SLC24A2: variants seen among roughly 807,000 people sequenced by gnomAD.
The protein encoded by SLC24A2 is sodium/potassium/calcium exchanger 2.
A neutral mutation model predicts 62.0 loss-of-function variants in SLC24A2; 36 were observed. The ratio of observed to expected loss-of-function variants is 0.58; its 90% confidence interval spans 0.44 to 0.77. The LOEUF (loss-of-function observed/expected upper bound fraction) is 0.77, where lower values mean the gene tolerates loss of function less well. Among genes scored for constraint, SLC24A2 ranks in the 30% least tolerant of loss-of-function variants. SLC24A2 has a pLI of 0.00. For synonymous variants in SLC24A2, 358 were observed against 294.0 expected (o/e 1.22, Z -2.23); for missense variants, 846 against 817.9 (o/e 1.03, Z -0.42).
chr9:19,678,047 G>A (rs1333107201), intron 2 of SLC24A2, among the ~76,000 whole-genome samples: 2 of 152,172 alleles, frequency 1.3e-5, no homozygotes, highest in South Asian at 2.1e-4. Context: ...CAGTAGCTTC[G>A]CAGATCTAGC....
At chr9:19,950,190 T>G in the SLC24A2 span, among the ~76,000 whole-genome samples, 1 of 152,224 alleles carries the variant, frequency 6.6e-6, no homozygotes, top group African/African-American at 2.4e-5. Context: ...TATCTGTAAA[T>G]TAAGGATATT....
chr9:20,260,159 G>A, the SLC24A2 span, among the ~76,000 whole-genome samples: 2 of 152,206 alleles, frequency 1.3e-5, no homozygotes, highest in Non-Finnish European at 2.9e-5. Context: ...AACTTCATTA[G>A]TGAGCTTAGT....
At chr9:19,824,736 C>A in the SLC24A2 span, among the ~76,000 whole-genome samples, 1 of 152,116 alleles carries the variant, frequency 6.6e-6, no homozygotes, top group Non-Finnish European at 1.5e-5. Context: ...TTTATTGTGG[C>A]ACTGTTCACA....
At chr9:20,119,958 A>C in the SLC24A2 span, among the ~76,000 whole-genome samples, 1 of 152,156 alleles carries the variant, frequency 6.6e-6, no homozygotes, top group Non-Finnish European at 1.5e-5. Flanking sequence ...GTAGGTTAGA[A>C]GTGTGACACA....
intron 2 of SLC24A2, among the ~76,000 whole-genome samples, chr9:19,752,595 T>C (rs1822018603): frequency 6.6e-6 from 1 of 152,122 alleles, no homozygotes; most frequent in Admixed American, 6.5e-5. Context: ...TCACCGAGCC[T>C]CAGTTTCCTC....
intron 8 of SLC24A2, among the ~76,000 whole-genome samples, chr9:19,531,670 C>A (rs1343029270): frequency 6.6e-6 from 1 of 151,820 alleles, no homozygotes; most frequent in Non-Finnish European, 1.5e-5. Context: ...GTGTAAGGTT[C>A]TGGGACATAT....
chr9:20,068,794 A>G, the SLC24A2 span, among the ~76,000 whole-genome samples: 1 of 152,102 alleles, frequency 6.6e-6, no homozygotes, highest in Non-Finnish European at 1.5e-5. Context: ...TCATACTAAT[A>G]TGGACAAGTT....
chr9:20,070,187 A>T, the SLC24A2 span, among the ~76,000 whole-genome samples: 1 of 152,144 alleles, frequency 6.6e-6, no homozygotes, highest in Admixed American at 6.5e-5. Flanking sequence ...CTTGGCTCTA[A>T]ATCTGCCTTG....
At chr9:20,209,081 T>A in the SLC24A2 span, among the ~76,000 whole-genome samples, 1 of 152,340 alleles carries the variant, frequency 6.6e-6, no homozygotes, top group Admixed American at 6.5e-5. Context: ...CATAGACTGC[T>A]GTGAGCATTA....
chr9:19,959,444 G>A, the SLC24A2 span, among the ~76,000 whole-genome samples: 1 of 152,136 alleles, frequency 6.6e-6, no homozygotes, highest in Non-Finnish European at 1.5e-5. Flanking sequence ...AAAATAAGGT[G>A]CCACGGTGAT....
the SLC24A2 span, among the ~76,000 whole-genome samples, chr9:20,013,961 C>A: frequency 5.9e-5 from 9 of 152,162 alleles, no homozygotes; most frequent in Non-Finnish European, 1.2e-4. Flanking sequence ...GTTATCCTAG[C>A]ACTTTGGGAG....
chr9:19,607,108 C>T (rs1046643742), intron 4 of SLC24A2, among the ~76,000 whole-genome samples: 6 of 152,194 alleles, frequency 3.9e-5, no homozygotes, highest in African/African-American at 1.4e-4. Flanking sequence ...AAATGCCTTT[C>T]ATTTGGGAGA....
At chr9:20,144,955 A>G in the SLC24A2 span, among the ~76,000 whole-genome samples, 29 of 152,166 alleles carry the variant, frequency 1.9e-4, no homozygotes, top group Admixed American at 1.2e-3. Context: ...CCAAAGAAGG[A>G]TAATAGACTT....
chr9:19,917,630 G>A, the SLC24A2 span, among the ~76,000 whole-genome samples: 2 of 151,768 alleles, frequency 1.3e-5, no homozygotes, highest in East Asian at 1.9e-4. Context: ...TTAAAATCAT[G>A]AATAGAAACC....
chr9:19,622,110 C>T (rs1024833570), intron 3 of SLC24A2, 151 bp downstream of exon 3: 26 of 656,624 alleles, frequency 4.0e-5, no homozygotes, highest in Admixed American at 2.3e-4. Flanking sequence ...AATTGTAGCA[C>T]GGAGTAGAAG....
intron 2 of SLC24A2, among the ~76,000 whole-genome samples, chr9:19,732,907 T>C (rs1253301623): frequency 6.6e-6 from 1 of 152,230 alleles, no homozygotes; most frequent in Non-Finnish European, 1.5e-5. Context: ...ATTGCCATTC[T>C]GCGAGTAAAA....
intron 5 of SLC24A2, among the ~76,000 whole-genome samples, chr9:19,583,711 TAGG>T (rs1836277176): frequency 6.6e-6 from 1 of 152,052 alleles, no homozygotes; most frequent in African/African-American, 2.4e-5. Flanking sequence ...TAGAGGTAAG[TAGG>T]AGAAAAATGG....
At chr9:19,944,624 C>A in the SLC24A2 span, among the ~76,000 whole-genome samples, 1 of 152,272 alleles carries the variant, frequency 6.6e-6, no homozygotes, top group African/African-American at 2.4e-5. Flanking sequence ...TTCCACCAGT[C>A]TTACCCCTTT....
chr9:20,195,065 T>C, the SLC24A2 span, among the ~76,000 whole-genome samples: 1 of 152,200 alleles, frequency 6.6e-6, no homozygotes, highest in East Asian at 1.9e-4. Flanking sequence ...GTCTCAGTTT[T>C]CTTCCCCAGC....
Sources: gnomAD v4.1 joint callset for allele counts (sites outside exome capture counted in the v4.1 genomes callset) on GRCh38, gnomAD v4.1.1 for gene constraint, MANE v1.5 for transcripts, NCBI Gene and HGNC (gene_info 2026-07-23, HGNC 2026-07-21) for gene names.